The following ERP44 variants were observed in gnomAD, a reference collection of about 807,000 sequenced individuals.
ERP44 encodes endoplasmic reticulum protein 44, also known as endoplasmic reticulum resident protein 44.
ERP44 carries 25 observed loss-of-function variants against 53.4 expected under a neutral mutation model. The ratio of observed to expected loss-of-function variants is 0.47; its 90% CI spans 0.34 to 0.65. The LOEUF (loss-of-function observed/expected upper bound fraction) is 0.65. ERP44 is among the 30% of genes least tolerant of loss of function. ERP44 has a pLI of 0.01. For missense variants in ERP44, 338 were observed against 493.2 expected (o/e 0.69, Z 2.98); for synonymous variants, 145 against 161.2 (o/e 0.90, Z 0.76).
chr9:100,074,127 A>C (rs955379199), intron 1 of ERP44, among the ~76,000 whole-genome samples: 3 of 152,178 alleles, frequency 2.0e-5, no homozygotes, highest in African/African-American at 7.2e-5. Flanking sequence ...CATCATTACA[A>C]AGCTAAGACT....
chr9:100,033,638 A>G (rs1172337615), intron 4 of ERP44, among the ~76,000 whole-genome samples: 2 of 152,226 alleles, frequency 1.3e-5, no homozygotes, highest in Non-Finnish European at 2.9e-5. Flanking sequence ...TATCTTTAGT[A>G]AAAATGAGGA....
In ERP44 at chr9:99,991,216, C is replaced by T. The variant is rs901511913; in HGVS notation, c.1017-6147G>A. Among the ~76,000 whole-genome samples the T allele has an allele frequency of 1.4e-4, 22 of 152,200 alleles. 1 individual carries two copies. Among genetic ancestry groups the T allele is most frequent in the Admixed American group, 6.5e-5 (1 of 15,284 alleles). ...ACCCCAAATCAACAGAATATACATT[C>T]TTCTCAGCACCACATCACACTTATT... On this transcript the variant is annotated intron_variant, in intron 10 of 11. Coordinates refer to ENST00000262455, the MANE Select transcript of ERP44 (RefSeq NM_015051.3).
chr9:100,069,630 A>G (rs1288721520), intron 1 of ERP44, among the ~76,000 whole-genome samples: 1 of 151,946 alleles, frequency 6.6e-6, no homozygotes. Context: ...AGTATGAATT[A>G]CCCAGTTCAA....
chr9:99,999,510 C>T (rs1439875890), intron 10 of ERP44, among the ~76,000 whole-genome samples: 1 of 152,040 alleles, frequency 6.6e-6, no homozygotes, highest in Non-Finnish European at 1.5e-5. Flanking sequence ...TATTCAGATG[C>T]CTTACCCATT....
At chr9:100,034,077 T>C (rs568499606) in intron 4 of ERP44, among the ~76,000 whole-genome samples, 1 of 152,194 alleles carries the variant, frequency 6.6e-6, no homozygotes, top group East Asian at 1.9e-4. Context: ...TTGGGTAAAA[T>C]AAGGCTGAGG....
chr9:100,026,071 T>G (rs1395860820), intron 4 of ERP44, among the ~76,000 whole-genome samples: 1 of 152,216 alleles, frequency 6.6e-6, no homozygotes, highest in East Asian at 1.9e-4. Context: ...CCATTTTCTT[T>G]CTTATAGGTT....
At chr9:100,035,107 A>C (rs574388781) in intron 4 of ERP44, among the ~76,000 whole-genome samples, 1 of 152,358 alleles carries the variant, frequency 6.6e-6, no homozygotes, top group East Asian at 1.9e-4. Flanking sequence ...ATATGACATC[A>C]GACTATAAAA....
chr9:100,015,172 C>A (rs927515929), intron 8 of ERP44, among the ~76,000 whole-genome samples: 1 of 152,178 alleles, frequency 6.6e-6, no homozygotes, highest in Non-Finnish European at 1.5e-5. Context: ...TTGGTCCATA[C>A]CACTCTAAGT....
intron 1 of ERP44, among the ~76,000 whole-genome samples, chr9:100,094,864 C>T (rs562012034): frequency 1.7e-4 from 26 of 151,064 alleles, no homozygotes; most frequent in African/African-American, 6.1e-4. Context: ...CCCAGCTATT[C>T]AGGAGGCTGA....
intron 8 of ERP44, among the ~76,000 whole-genome samples, chr9:100,013,778 A>G (rs1830500207): frequency 6.6e-6 from 1 of 152,216 alleles, no homozygotes; most frequent in African/African-American, 2.4e-5. Context: ...TGACTCAGCA[A>G]TTCTATTCAT....
chr9:100,006,437 AAAC>A (rs1300774285), intron 10 of ERP44, 66 bp downstream of exon 10: 23 of 1,181,684 alleles, frequency 1.9e-5, no homozygotes, highest in Non-Finnish European at 2.3e-5. Flanking sequence ...TAAAATATTC[AAAC>A]AACTATTTTC....
intron 10 of ERP44, among the ~76,000 whole-genome samples, chr9:99,985,995 A>G (rs1310108363): frequency 6.6e-6 from 1 of 152,228 alleles, no homozygotes; most frequent in Non-Finnish European, 1.5e-5. Flanking sequence ...TTCTATGGAC[A>G]CTATTCTCTT....
At chr9:100,016,664 G>A (rs1375186043) in intron 7 of ERP44, among the ~76,000 whole-genome samples, 2 of 152,084 alleles carry the variant, frequency 1.3e-5, no homozygotes, top group African/African-American at 2.4e-5. Context: ...ACCACGCCAA[G>A]CTAATTATTT....
At chr9:100,031,033 G>C (rs766363373) in intron 4 of ERP44, among the ~76,000 whole-genome samples, 11 of 152,268 alleles carry the variant, frequency 7.2e-5, no homozygotes, top group African/African-American at 2.6e-4. Flanking sequence ...CTACTGTAGC[G>C]AATCTGGTGT....
intron 1 of ERP44, among the ~76,000 whole-genome samples, chr9:100,081,533 A>C (rs1021918329): frequency 1.3e-5 from 2 of 152,098 alleles, no homozygotes; most frequent in Non-Finnish European, 1.5e-5. Context: ...TAAAAAAAAA[A>C]CCATAAATAT....
At chr9:99,994,578 C>A (rs1281669633) in intron 10 of ERP44, among the ~76,000 whole-genome samples, 1 of 152,040 alleles carries the variant, frequency 6.6e-6, no homozygotes, top group Non-Finnish European at 1.5e-5. Flanking sequence ...GTGCAGCAAA[C>A]CAACATGGCA....
chr9:100,081,093 A>T lies in ERP44; in HGVS notation c.57+17691T>A, dbSNP rs1408783105. On this transcript the variant is annotated intron_variant, in intron 1 of 11. Transcript: ENST00000262455. Reference sequence around the variant, plus strand: ...CAGTAATTATAAAAGAATTTATATCAGTAATTATAAAAGGTTTAACTGATC... The same window carrying T: ...CAGTAATTATAAAAGAATTTATATCTGTAATTATAAAAGGTTTAACTGATC... 2.0e-5 allele frequency among the ~76,000 whole-genome samples: 3 copies of T among 152,128 alleles called. No homozygotes were observed. The East Asian group carries it at 5.8e-4, about 29-fold the overall frequency.
intron 1 of ERP44, among the ~76,000 whole-genome samples, chr9:100,085,324 C>T (rs1023562160): frequency 1.3e-5 from 2 of 152,082 alleles, no homozygotes; most frequent in African/African-American, 4.8e-5. Context: ...ATTAAAATAT[C>T]CATCATAATC....
chr9:100,017,401 C>T (rs1830535196), intron 7 of ERP44, among the ~76,000 whole-genome samples: 2 of 152,234 alleles, frequency 1.3e-5, no homozygotes, highest in Non-Finnish European at 2.9e-5. Context: ...ACCACCAGAG[C>T]CCATGCTCTG....
Sources: gnomAD v4.1 joint callset for allele counts (sites outside exome capture counted in the v4.1 genomes callset) on GRCh38, gnomAD v4.1.1 for gene constraint, MANE v1.5 for transcripts, NCBI Gene and HGNC (gene_info 2026-07-23, HGNC 2026-07-21) for gene names.